Variants in NAF1 observed in about 807,000 individuals in gnomAD.
The protein encoded by NAF1 is H/ACA ribonucleoprotein complex non-core subunit NAF1.
Under a neutral mutation model 40.6 loss-of-function variants are expected in NAF1, and 11 were observed. The observed-to-expected ratio is 0.27, with a 90% confidence interval of 0.17 to 0.45. The LOEUF (loss-of-function observed/expected upper bound fraction) is 0.45. NAF1 is among the 20% of genes least tolerant of loss of function. The pLI, the probability that NAF1 is intolerant of heterozygous loss-of-function variation, is 1.00. For missense variants in NAF1, 607 were observed against 611.1 expected (o/e 0.99, Z 0.07); for synonymous variants, 260 against 228.5 (o/e 1.14, Z -1.24).
intron 2 of NAF1, among the ~76,000 whole-genome samples, chr4:163,161,087 A>C (rs911850507): frequency 1.3e-5 from 2 of 152,168 alleles, no homozygotes; most frequent in South Asian, 4.1e-4. Flanking sequence ...AAGGAAATAC[A>C]ACACTAATTA....
chr4:163,153,302 C>T (rs1022557937), intron 2 of NAF1, among the ~76,000 whole-genome samples: 1 of 152,218 alleles, frequency 6.6e-6, no homozygotes, highest in Non-Finnish European at 1.5e-5. Flanking sequence ...CTGGGTGAAG[C>T]CAGCTGGGCT....
chr4:163,126,030 A>G (rs1219639692), downstream of NAF1, among the ~76,000 whole-genome samples: 1 of 152,244 alleles, frequency 6.6e-6, no homozygotes, highest in East Asian at 1.9e-4. Flanking sequence ...TCCACCATTC[A>G]GTAAAAGATT....
chr4:163,126,854 G>A, downstream of NAF1: 1 of 1,361,056 alleles, frequency 7.3e-7, no homozygotes, highest in Non-Finnish European at 9.6e-7. Context: ...AACAGCACTT[G>A]AGTCCAGACC....
downstream of NAF1, among the ~76,000 whole-genome samples, chr4:163,123,095 A>G (rs1298394731): frequency 6.6e-6 from 1 of 152,228 alleles, no homozygotes; most frequent in Non-Finnish European, 1.5e-5. Context: ...TGTAAAAGGA[A>G]CATGACACCA....
chr4:163,121,596 G>A (rs1421454932), intron 2 of NAF1, among the ~76,000 whole-genome samples: 1 of 152,134 alleles, frequency 6.6e-6, no homozygotes, highest in Non-Finnish European at 1.5e-5. Flanking sequence ...TATTATTGGT[G>A]TTAAACATGA....
At chr4:163,141,612 T>G (rs943496964) in intron 4 of NAF1, among the ~76,000 whole-genome samples, 1 of 152,222 alleles carries the variant, frequency 6.6e-6, no homozygotes, top group Non-Finnish European at 1.5e-5. Flanking sequence ...CAGCTTCCAA[T>G]TTGTTCAACA....
intron 7 of NAF1, among the ~76,000 whole-genome samples, chr4:163,132,420 T>C (rs1328961218): frequency 6.6e-6 from 1 of 152,356 alleles, no homozygotes; most frequent in South Asian, 2.1e-4. Context: ...CATGCAATAA[T>C]GTGGGTGGAT....
intron 1 of NAF1, 151 bp downstream of exon 1, chr4:163,166,212 A>G: frequency 1.0e-6 from 1 of 955,270 alleles, no homozygotes; most frequent in South Asian, 1.8e-5. Flanking sequence ...GGGCAGTCGG[A>G]GCCAATACTT....
downstream of NAF1, among the ~76,000 whole-genome samples, chr4:163,121,905 C>T (rs142001386): frequency 6.6e-6 from 1 of 152,222 alleles, no homozygotes; most frequent in East Asian, 1.9e-4. Flanking sequence ...CTTATATTTC[C>T]TGATTTGAGT....
intron 5 of NAF1, among the ~76,000 whole-genome samples, chr4:163,138,274 T>C (rs1352777197): frequency 6.6e-6 from 1 of 152,090 alleles, no homozygotes; most frequent in African/African-American, 2.4e-5. Context: ...GGCTTTTCCA[T>C]CACTTAAAAG....
rs781391726 is a variant in NAF1, at chr4:163,166,672, G to T, written c.56C>A (p.Thr19Asn). The change falls in exon 1 of 8, where the codon ACC becomes AAC. Residue 19 changes from threonine (T) to asparagine (N), a missense_variant. Coordinates refer to ENST00000274054, the MANE Select transcript of NAF1 (RefSeq NM_138386.3). ...CGGACCTTCCCCAACTCCAAAGTCG[G>T]TGCCATTGAATTTCAGAGTTTCCAG... ...AQLETLKFNG[T>N]DFGVGEGPAA... 3.1e-6 allele frequency: 5 copies of T among 1,613,678 alleles called. No individual in the cohort carries two copies. The highest frequency in any genetic ancestry group is 4.2e-6 in the Non-Finnish European group (5 of 1,180,020).
Position 163,166,839 on chromosome 4 carries a change from C to CGA in NAF1, c.-113_-112insTC. 1.4e-6 allele frequency: 2 copies of CGA among 1,404,192 alleles called. No homozygotes were observed. Among genetic ancestry groups the CGA allele is most frequent in the Admixed American group, 5.4e-5 (2 of 37,242 alleles). 87.0% of individuals were successfully genotyped at this position (1,404,192 alleles called of 1,614,324 possible). A position where few individuals can be genotyped will look rare whatever the true frequency, so the allele number is the denominator to read the frequency against. ...GGCAACCGCAGCAACACTGCCTGGG[C>CGA]CCAACTTCCCGCGTTTCTCAGGTAA... On this transcript the variant is annotated 5_prime_UTR_variant, in exon 1 of 8. Transcript: ENST00000274054.
At chr4:163,104,125 G>A in the NAF1 span, among the ~76,000 whole-genome samples, 7 of 152,246 alleles carry the variant, frequency 4.6e-5, no homozygotes, top group South Asian at 1.2e-3. Context: ...TCTGAGCCAG[G>A]AGAAGGAATT....
intron 2 of NAF1, among the ~76,000 whole-genome samples, chr4:163,116,409 TGA>T (rs957936186): frequency 2.6e-5 from 4 of 152,160 alleles, no homozygotes; most frequent in African/African-American, 9.7e-5. Flanking sequence ...TGTGTGTGTG[TGA>T]GAGAGAGATC....
chr4:163,127,331 T>C (rs1188514282), downstream of NAF1, among the ~76,000 whole-genome samples: 1 of 152,106 alleles, frequency 6.6e-6, no homozygotes, highest in Non-Finnish European at 1.5e-5. Context: ...GGTTTCGTTA[T>C]GTTGGCCAGG....
At chr4:163,133,712 A>G (rs1730955122) in intron 6 of NAF1, 1 of 153,812 alleles carries the variant, frequency 6.5e-6, no homozygotes, top group African/African-American at 2.4e-5. Flanking sequence ...TTATTTTTTA[A>G]ATATAATTTT....
intron 2 of NAF1, chr4:163,157,353 A>C (rs1204255154): frequency 6.6e-6 from 1 of 152,044 alleles, no homozygotes; most frequent in South Asian, 2.1e-4. Context: ...AAATACTAAA[A>C]ACACAGCAGT....
intron 2 of NAF1, among the ~76,000 whole-genome samples, chr4:163,160,775 T>G (rs896490167): frequency 2.0e-5 from 3 of 152,206 alleles, no homozygotes; most frequent in Non-Finnish European, 4.4e-5. Context: ...TTTTAACTGT[T>G]TGGCACACTT....
intron 4 of NAF1, among the ~76,000 whole-genome samples, chr4:163,142,430 T>C (rs546433577): frequency 1.3e-5 from 2 of 152,210 alleles, no homozygotes; most frequent in African/African-American, 2.4e-5. Flanking sequence ...ATTTCCTAAG[T>C]GTGAAAAACA....
Sources: allele counts gnomAD v4.1 joint callset (sites outside exome capture counted in the v4.1 genomes callset), GRCh38; gene constraint gnomAD v4.1.1; transcripts MANE v1.5; gene names NCBI Gene and HGNC (gene_info 2026-07-23, HGNC 2026-07-21).